Variants in ANO6 observed in about 807,000 individuals in gnomAD.
The protein encoded by ANO6 is anoctamin 6.
In ANO6, 106 loss-of-function variants were observed where a neutral mutation model predicts 117.5. That is an observed-to-expected ratio of 0.90 (90% confidence interval 0.77 to 1.06). The LOEUF is 1.06. ANO6 is among the 50% of genes least tolerant of loss of function. The probability of loss-of-function intolerance (pLI) is 0.00; values close to 1 mark genes in which losing one functional copy is unlikely to be tolerated. For synonymous variants in ANO6, 367 were observed against 385.1 expected (o/e 0.95, Z 0.55); for missense variants, 955 against 1,121.1 (o/e 0.85, Z 2.12).
intron 2 of ANO6, among the ~76,000 whole-genome samples, chr12:45,328,253 C>T (rs1361957419): frequency 6.6e-6 from 1 of 152,066 alleles, no homozygotes; most frequent in African/African-American, 2.4e-5. Context: ...CTGTGTGGCT[C>T]CCCTGTGTGT....
chr12:45,364,128 C>T (rs1941625022), intron 8 of ANO6, among the ~76,000 whole-genome samples: 2 of 152,220 alleles, frequency 1.3e-5, no homozygotes, highest in South Asian at 4.1e-4. Context: ...CCCACTGCCT[C>T]TGGCCTCCAT....
At chr12:45,368,518 C>T (rs1941741676) in intron 9 of ANO6, among the ~76,000 whole-genome samples, 1 of 152,200 alleles carries the variant, frequency 6.6e-6, no homozygotes, top group Non-Finnish European at 1.5e-5. Context: ...ATCTAGCTCT[C>T]CTTATACATG....
intron 2 of ANO6, among the ~76,000 whole-genome samples, chr12:45,322,426 G>A (rs970337516): frequency 3.3e-5 from 5 of 152,112 alleles, no homozygotes; most frequent in Admixed American, 6.6e-5. Context: ...TTGGGAATGG[G>A]GAGTAATGGT....
At chr12:45,249,912 T>G (rs1356733269) in intron 1 of ANO6, among the ~76,000 whole-genome samples, 1 of 152,214 alleles carries the variant, frequency 6.6e-6, no homozygotes, top group African/African-American at 2.4e-5. Flanking sequence ...TCCAAAAGAC[T>G]AATGTGCTTA....
chr12:45,413,133 A>G (rs1339869521), intron 16 of ANO6, among the ~76,000 whole-genome samples: 4 of 152,220 alleles, frequency 2.6e-5, no homozygotes, highest in Admixed American at 1.3e-4. Flanking sequence ...AGATAACTGC[A>G]TAACATTTAT....
At chr12:45,402,078 T>G (rs1942806066) in intron 13 of ANO6, 58 bp downstream of exon 13, 1 of 1,429,668 alleles carries the variant, frequency 7.0e-7, no homozygotes, top group African/African-American at 1.4e-5. Context: ...CTGCCAAAAA[T>G]AGAGACTGTT....
At chr12:45,226,584 A>G (rs1250774706) in intron 1 of ANO6, among the ~76,000 whole-genome samples, 1 of 150,880 alleles carries the variant, frequency 6.6e-6, no homozygotes, top group Non-Finnish European at 1.5e-5. Context: ...TGTTTTATCT[A>G]AACTAAGATT....
intron 16 of ANO6, among the ~76,000 whole-genome samples, chr12:45,415,041 A>G (rs1396887400): frequency 6.6e-6 from 1 of 152,080 alleles, no homozygotes; most frequent in African/African-American, 2.4e-5. Context: ...TACAGAGATT[A>G]GCTGCCATGC....
At chr12:45,315,211 C>CA (rs1939984270) in intron 2 of ANO6, among the ~76,000 whole-genome samples, 1 of 151,958 alleles carries the variant, frequency 6.6e-6, no homozygotes, top group Non-Finnish European at 1.5e-5. Context: ...CTATTGAGGC[C>CA]AAAGAACTGA....
intron 9 of ANO6, among the ~76,000 whole-genome samples, chr12:45,370,194 T>C (rs994842528): frequency 3.9e-5 from 6 of 152,228 alleles, no homozygotes; most frequent in Non-Finnish European, 7.3e-5. Flanking sequence ...CCTTTTTCCC[T>C]TACTTCCTGC....
At position 45,367,680 on chromosome 12, in the gene ANO6, C is replaced by T. The variant is rs772451076; in HGVS notation, c.999-8C>T. 2 of 1,609,212 alleles carry T rather than the reference C, an allele frequency of 1.2e-6. No individual in the cohort carries two copies. The highest frequency in any genetic ancestry group is 1.7e-6 in the Non-Finnish European group (2 of 1,176,808). ...TTTTAAAATTAAGTTTTATTTCTCT[C>T]TTTTTAGCAAAGAAGTTTGTCATCC... On this transcript the variant is annotated splice_polypyrimidine_tract_variant and splice_region_variant and intron_variant, in intron 8 of 19. Transcript: ENST00000320560.
At chr12:45,439,343 C>G (rs760139255) in intron 19 of ANO6, among the ~76,000 whole-genome samples, 2 of 152,202 alleles carry the variant, frequency 1.3e-5, no homozygotes, top group Non-Finnish European at 2.9e-5. Flanking sequence ...ATCCCCATAT[C>G]AAAACACTGC....
chr12:45,224,530 T>C (rs534251696), intron 1 of ANO6, among the ~76,000 whole-genome samples: 2 of 152,346 alleles, frequency 1.3e-5, no homozygotes, highest in South Asian at 4.1e-4. Context: ...TGCTTCTTTT[T>C]ATAAACCTTT....
intron 9 of ANO6, among the ~76,000 whole-genome samples, chr12:45,373,078 C>T (rs1311172566): frequency 6.6e-6 from 1 of 152,028 alleles, no homozygotes; most frequent in African/African-American, 2.4e-5. Flanking sequence ...TCTGATAAAA[C>T]AGACTTTAAA....
At chr12:45,424,327 G>GGTTTT (rs1943439717) in intron 19 of ANO6, among the ~76,000 whole-genome samples, 5 of 81,272 alleles carry the variant, frequency 6.2e-5, no homozygotes, top group African/African-American at 2.0e-4. Context: ...TAGGTGATGG[G>GGTTTT]TTTTTTTTTT....
At chr12:45,424,023 CT>C (rs56964611) in intron 19 of ANO6, among the ~76,000 whole-genome samples, 2,854 of 141,636 alleles carry the variant, frequency 0.02, 65 homozygotes, top group African/African-American at 0.06. Context: ...TATACTAGTT[CT>C]TTTTTTTTTT....
At chr12:45,305,317 T>G (rs1292307733) in intron 2 of ANO6, among the ~76,000 whole-genome samples, 1 of 152,224 alleles carries the variant, frequency 6.6e-6, no homozygotes, top group African/African-American at 2.4e-5. Context: ...CAATCCTGGT[T>G]CAGTTTTTTG....
intron 1 of ANO6, among the ~76,000 whole-genome samples, chr12:45,288,642 T>C (rs1052163247): frequency 5.9e-5 from 9 of 152,264 alleles, no homozygotes; most frequent in African/African-American, 2.2e-4. Context: ...AGTGGACACT[T>C]GAATTGCTAT....
intron 15 of ANO6, among the ~76,000 whole-genome samples, chr12:45,408,911 C>T (rs1943014339): frequency 6.6e-6 from 1 of 152,132 alleles, no homozygotes; most frequent in Non-Finnish European, 1.5e-5. Context: ...CCTTCACTGG[C>T]CACCTCCCTA....
Sources: allele counts gnomAD v4.1 joint callset (sites outside exome capture counted in the v4.1 genomes callset), GRCh38; gene constraint gnomAD v4.1.1; transcripts MANE v1.5; gene names NCBI Gene and HGNC (gene_info 2026-07-23, HGNC 2026-07-21).